The following KIT variants were observed in gnomAD, a reference collection of about 807,000 sequenced individuals.
The protein encoded by KIT is mast/stem cell growth factor receptor Kit.
A neutral mutation model predicts 105.7 loss-of-function variants in KIT; 16 were observed. The observed-to-expected ratio is 0.15, with a 90% confidence interval of 0.10 to 0.23. The LOEUF (loss-of-function observed/expected upper bound fraction) is 0.23. Among genes scored for constraint, KIT ranks in the 10% least tolerant of loss-of-function variants. KIT has a pLI of 1.00. For synonymous variants in KIT, 438 were observed against 441.1 expected, an observed-to-expected ratio of 0.99 and a Z score of 0.09; for missense variants, 858 against 1,213.8, an observed-to-expected ratio of 0.71 and a Z score of 4.36.
In KIT at chr4:54,707,151, G is replaced by A. The variant is rs752061752; in HGVS notation, c.979G>A (p.Asp327Asn). 5 of 1,582,424 alleles carry A rather than the reference G, an allele frequency of 3.2e-6. No individual in the cohort carries two copies. The East Asian group carries it at 6.7e-5, about 21-fold the overall frequency. The change falls in exon 6 of 21, where the codon GAT (aspartate) becomes AAT (asparagine). Residue 327 changes from aspartate to asparagine, a missense_variant. Physicochemically the swap from Asp to Asn is conservative, Grantham distance 23. Transcript: ENST00000288135. ...GATAAACACTACAGTATTTGTAAAC[G>A]ATGGAGAAAATGTAGATTTGATTGT... ...PMINTTVFVN[D>N]GENVDLIVEY...
intron 4 of KIT, among the ~76,000 whole-genome samples, chr4:54,702,581 C>T (rs971374462): frequency 6.6e-6 from 1 of 152,030 alleles, no homozygotes; most frequent in African/African-American, 2.4e-5. Context: ...TTTTAAGGTA[C>T]ATTCAATTTG....
At chr4:54,663,228 C>T (rs938723077) in intron 1 of KIT, among the ~76,000 whole-genome samples, 1 of 152,200 alleles carries the variant, frequency 6.6e-6, no homozygotes, top group African/African-American at 2.4e-5. Context: ...CGAGCTTGGG[C>T]TCTGAAATTG....
chr4:54,659,763 A>C (rs2237037), intron 1 of KIT, among the ~76,000 whole-genome samples: 87,521 of 151,976 alleles, frequency 0.58, 25,526 homozygotes, highest in African/African-American at 0.66. Flanking sequence ...GTGAACTAGA[A>C]CCTAGTAGGA....
chr4:54,683,635 G>A (rs1158271179), intron 1 of KIT, among the ~76,000 whole-genome samples: 1 of 152,208 alleles, frequency 6.6e-6, no homozygotes, highest in Non-Finnish European at 1.5e-5. Flanking sequence ...CCTGAGAAAA[G>A]CTTTGACAGA....
intron 1 of KIT, among the ~76,000 whole-genome samples, chr4:54,659,124 GC>G (rs1717048224): frequency 6.6e-6 from 1 of 152,228 alleles, no homozygotes; most frequent in Admixed American, 6.5e-5. Context: ...CCGCCTCCCC[GC>G]CCCCGGGACT....
In KIT at chr4:54,673,747, C is replaced by G. The variant is rs146513696; in HGVS notation, c.67+15666C>G. Among the ~76,000 whole-genome samples, 218 of 152,234 alleles carry G rather than the reference C, an allele frequency of 1.4e-3. 1 individual carries two copies. In the East Asian group the frequency reaches 0.015, roughly 11 times the overall value. On this transcript the variant is annotated intron_variant, in intron 1 of 20. Coordinates refer to ENST00000288135, the MANE Select transcript of KIT (RefSeq NM_000222.3). ...CTTTTCTGTTGTTAACCGAGTTTTC[C>G]TATACTTTTAGGAGGGCCAGTGTAG...
chr4:54,666,199 G>A (rs570709418), intron 1 of KIT, among the ~76,000 whole-genome samples: 1 of 152,318 alleles, frequency 6.6e-6, no homozygotes, highest in East Asian at 1.9e-4. Context: ...TAGTGTGTGA[G>A]TGAAAAGTAG....
intron 1 of KIT, among the ~76,000 whole-genome samples, chr4:54,678,600 T>C (rs955584317): frequency 2.6e-5 from 4 of 152,104 alleles, no homozygotes; most frequent in African/African-American, 9.7e-5. Flanking sequence ...TCCCAAAGTC[T>C]CACATTGCAA....
chr4:54,733,034 A>G (rs746430197), intron 16 of KIT, 36 bp from the exon 17 acceptor site: 26 of 1,592,194 alleles, frequency 1.6e-5, no homozygotes, highest in Non-Finnish European at 2.1e-5. Context: ...GTTAAAATGA[A>G]TTTAAATGGT....
At chr4:54,686,750 G>A (rs776778703) in intron 1 of KIT, among the ~76,000 whole-genome samples, 13 of 152,180 alleles carry the variant, frequency 8.5e-5, no homozygotes, top group African/African-American at 2.4e-5. Flanking sequence ...TCACCATACT[G>A]CCTAGGCTGG....
chr4:54,702,003 A>C (rs955424844), intron 4 of KIT, among the ~76,000 whole-genome samples: 4 of 152,214 alleles, frequency 2.6e-5, no homozygotes, highest in Non-Finnish European at 5.9e-5. Flanking sequence ...ACCCTTTTAG[A>C]AACTAAAAGT....
chr4:54,663,401 A>C (rs1183790227), intron 1 of KIT, among the ~76,000 whole-genome samples: 1 of 152,206 alleles, frequency 6.6e-6, no homozygotes, highest in African/African-American at 2.4e-5. Context: ...TATGCTTAGC[A>C]TAGTGCCCCG....
intron 4 of KIT, among the ~76,000 whole-genome samples, chr4:54,702,936 A>G (rs963363635): frequency 1.3e-5 from 2 of 152,178 alleles, no homozygotes; most frequent in African/African-American, 4.8e-5. Flanking sequence ...GAGTGTGTGT[A>G]CATTACAGAA....
At position 54,699,649 on chromosome 4, in the gene KIT, T is replaced by G. The variant is rs1560396809; in HGVS notation, c.639T>G (p.Val213=). ...KVRPAFKAVP[V]VSVSKASYLL... ...TTCTAGCCTTCAAAGCTGTGCCTGT[T>G]GTGTCTGTGTCCAAAGCAAGCTATC... Residue 213 remains valine, a synonymous_variant, in exon 4 of 21, where the codon GTT becomes GTG. Coordinates refer to ENST00000288135, the MANE Select transcript of KIT (RefSeq NM_000222.3). 6.2e-7 allele frequency: 1 copy of G among 1,614,050 alleles called. No individual in the cohort carries two copies.
At chr4:54,735,930 A>C in intron 17 of KIT, among the ~76,000 whole-genome samples, 1 of 152,110 alleles carries the variant, frequency 6.6e-6, no homozygotes, top group East Asian at 1.9e-4. Flanking sequence ...CACCAGGTGG[A>C]TAGCCAGCCA....
intron 8 of KIT, among the ~76,000 whole-genome samples, chr4:54,725,253 T>TGC (rs947613185): frequency 1.8e-4 from 28 of 152,002 alleles, no homozygotes; most frequent in African/African-American, 5.3e-4. Flanking sequence ...TACAGGCGCC[T>TGC]GCCACCACGC....
intron 4 of KIT, among the ~76,000 whole-genome samples, chr4:54,702,915 C>T (rs1357620518): frequency 6.6e-6 from 1 of 152,078 alleles, no homozygotes; most frequent in Non-Finnish European, 1.5e-5. Context: ...TTTTTTTCCC[C>T]ATTGTAATAG....
At chr4:54,733,495 A>G in intron 17 of KIT, 1 of 331,518 alleles carries the variant, frequency 3.0e-6, no homozygotes, top group South Asian at 2.7e-5. Flanking sequence ...GCTCAAGTGT[A>G]ACAAATGTAG....
intron 7 of KIT, among the ~76,000 whole-genome samples, chr4:54,718,634 T>C (rs571354716): frequency 2.5e-4 from 38 of 152,334 alleles, no homozygotes; most frequent in Admixed American, 1.4e-3. Context: ...ACCTGAAATA[T>C]GTATCTCGCC....
Sources: gnomAD v4.1 joint callset for allele counts (sites outside exome capture counted in the v4.1 genomes callset) on GRCh38, gnomAD v4.1.1 for gene constraint, MANE v1.5 for transcripts, NCBI Gene and HGNC (gene_info 2026-07-23, HGNC 2026-07-21) for gene names.